The following SH3PXD2B variants were observed in gnomAD, a reference collection of about 807,000 sequenced individuals.
SH3PXD2B encodes SH3 and PX domains 2B, also known as SH3 and PX domain-containing protein 2B.
In SH3PXD2B, 37 loss-of-function variants were observed where a neutral mutation model predicts 73.1. The observed-to-expected ratio is 0.51, with a 90% CI of 0.39 to 0.67. The LOEUF (loss-of-function observed/expected upper bound fraction) is 0.67. Among genes scored for constraint, SH3PXD2B ranks in the 30% least tolerant of loss-of-function variants. SH3PXD2B has a pLI of 0.00. For missense variants in SH3PXD2B, 1,053 were observed against 1,197.8 expected, an observed-to-expected ratio of 0.88 and a Z score of 1.78; for synonymous variants, 457 against 480.5, an observed-to-expected ratio of 0.95 and a Z score of 0.64.
intron 5 of SH3PXD2B, among the ~76,000 whole-genome samples, chr5:172,378,560 G>A (rs1004820028): frequency 6.6e-6 from 1 of 152,176 alleles, no homozygotes. Flanking sequence ...CCCAAGGAAT[G>A]CACACCAATG....
chr5:172,423,000 C>G (rs532955178), intron 1 of SH3PXD2B, among the ~76,000 whole-genome samples: 6 of 152,212 alleles, frequency 3.9e-5, no homozygotes, highest in Non-Finnish European at 8.8e-5. Context: ...ATGGGGCTAA[C>G]AGCACCTGCT....
At chr5:172,375,822 T>A (rs1757809450) in intron 5 of SH3PXD2B, among the ~76,000 whole-genome samples, 1 of 152,216 alleles carries the variant, frequency 6.6e-6, no homozygotes, top group Non-Finnish European at 1.5e-5. Flanking sequence ...AACATCTGTG[T>A]ACAAGTTTTT....
intron 6 of SH3PXD2B, among the ~76,000 whole-genome samples, chr5:172,368,746 T>A (rs1757630815): frequency 9.8e-6 from 1 of 102,540 alleles, no homozygotes; most frequent in South Asian, 2.9e-4. Flanking sequence ...ATATATGTAA[T>A]ATATATATAT....
At chr5:172,407,294 T>C (rs1758583203) in intron 2 of SH3PXD2B, among the ~76,000 whole-genome samples, 1 of 152,338 alleles carries the variant, frequency 6.6e-6, no homozygotes, top group South Asian at 2.1e-4. Context: ...GGCCAATCCA[T>C]GTGAGCTGGA....
chr5:172,338,452 C>T lies in SH3PXD2B; in HGVS notation c.2653G>A (p.Gly885Ser), dbSNP rs527543309. The change falls in exon 13 of 13, where the codon GGC (glycine) becomes AGC (serine). Residue 885 changes from glycine to serine, a missense_variant. This residue lies in a region of SH3PXD2B where 587 missense variants were observed against 590.7 expected (regional missense o/e 0.99). Transcript: ENST00000311601. The surrounding 1 kb of genome is among the most constrained non-coding windows in gnomAD (Gnocchi z 5.1). ...CTCAGGACCTGGCAGAACCACCAGC[C>T]ACTGCTGTTCTTCTCCCGGACTTCA... ...VFEVREKNSS[G>S]WWFCQVLSGA... The T allele has an allele frequency of 1.6e-5, 26 of 1,614,242 alleles. No individual in the cohort carries two copies. In the Admixed American group the frequency reaches 3.7e-4, roughly 23 times the overall value.
chr5:172,440,489 A>G (rs1759531864), intron 1 of SH3PXD2B, among the ~76,000 whole-genome samples: 1 of 150,960 alleles, frequency 6.6e-6, no homozygotes, highest in South Asian at 2.1e-4. Flanking sequence ...CAGGAAGAAC[A>G]TCCCCAAAGT....
In SH3PXD2B at chr5:172,454,514, G is replaced by C. The variant is rs1299772895; in HGVS notation, c.-162C>G. 4 of 175,618 alleles carry C rather than the reference G, an allele frequency of 2.3e-5. No individual in the cohort carries two copies. The East Asian group carries it at 7.7e-4, about 34-fold the overall frequency. 10.9% of individuals were successfully genotyped at this position (175,618 alleles called of 1,614,324 possible). ...CCGCCACCGCCGCCGCCCTTCGCTC[G>C]GCGCGCACTCCAGCCGGGCCCAGCC... On this transcript the variant is annotated 5_prime_UTR_variant, in exon 1 of 13. Transcript: ENST00000311601.
intron 1 of SH3PXD2B, among the ~76,000 whole-genome samples, chr5:172,438,855 T>C (rs942927550): frequency 6.6e-6 from 1 of 151,948 alleles, no homozygotes; most frequent in African/African-American, 2.4e-5. Flanking sequence ...AAACAAAATT[T>C]TACTGCGTTA....
intron 1 of SH3PXD2B, among the ~76,000 whole-genome samples, chr5:172,427,949 T>C (rs1414497025): frequency 1.3e-5 from 2 of 151,994 alleles, no homozygotes; most frequent in Non-Finnish European, 2.9e-5. Flanking sequence ...GCTAATTTTT[T>C]GTATTTTTAG....
intron 6 of SH3PXD2B, among the ~76,000 whole-genome samples, chr5:172,373,313 C>T (rs1237138569): frequency 6.6e-6 from 1 of 152,204 alleles, no homozygotes; most frequent in Non-Finnish European, 1.5e-5. Context: ...TTCATCAAGA[C>T]CCAGGGTCCC....
rs141877737 is a variant in SH3PXD2B, at chr5:172,354,129, CT to C, written c.668-125del. ...CTTCAGAGATTTCTGGGCACCCCCCCTGGCCCTGACCTAGCCCTGGACAGCC... is the reference window on the plus strand; with the variant it reads ...CTTCAGAGATTTCTGGGCACCCCCCCGGCCCTGACCTAGCCCTGGACAGCC... On this transcript the variant is annotated intron_variant, in intron 8 of 12. Transcript: ENST00000311601. 12,554 of 892,452 alleles carry C rather than the reference CT, an allele frequency of 0.014. 117 individuals carry two copies. The highest frequency in any genetic ancestry group is 0.019 in the Non-Finnish European group (10,321 of 548,198). The allele number at this position is 892,452 out of a possible 1,614,324, so 55.3% of individuals were successfully genotyped here. A position where few individuals can be genotyped will look rare whatever the true frequency, so the allele number is the denominator to read the frequency against.
At chr5:172,453,798 A>C (rs1054338132) in intron 1 of SH3PXD2B, among the ~76,000 whole-genome samples, 1 of 152,196 alleles carries the variant, frequency 6.6e-6, no homozygotes, top group African/African-American at 2.4e-5. Context: ...CTCTTGCCAA[A>C]GAACGGAGTC....
chr5:172,407,472 G>A (rs1358528996), intron 2 of SH3PXD2B, among the ~76,000 whole-genome samples: 1 of 152,212 alleles, frequency 6.6e-6, no homozygotes, highest in African/African-American at 2.4e-5. Context: ...CATGTGGCCT[G>A]AGTGAGCTAT....
downstream of SH3PXD2B, among the ~76,000 whole-genome samples, chr5:172,332,405 C>T (rs540573672): frequency 3.7e-4 from 55 of 148,016 alleles, no homozygotes; most frequent in African/African-American, 1.3e-3. Context: ...AGGTGTGCAC[C>T]ACCACACCTG....
chr5:172,413,382 C>T (rs1026965340), intron 2 of SH3PXD2B, among the ~76,000 whole-genome samples: 3 of 152,236 alleles, frequency 2.0e-5, no homozygotes, highest in African/African-American at 4.8e-5. Context: ...CCGGTCTGTC[C>T]GCTTCTCTCC....
chr5:172,373,880 T>A, intron 5 of SH3PXD2B, 65 bp from the exon 6 acceptor site: 1 of 1,577,612 alleles, frequency 6.3e-7, no homozygotes, highest in Non-Finnish European at 8.7e-7. Flanking sequence ...TTGACGTGAG[T>A]TATTCTGCCG....
At chr5:172,342,059 C>A (rs1372083518) in intron 12 of SH3PXD2B, among the ~76,000 whole-genome samples, 1 of 152,138 alleles carries the variant, frequency 6.6e-6, no homozygotes, top group East Asian at 1.9e-4. Context: ...CACACAGGGA[C>A]TGAGGGATGA....
chr5:172,406,447 T>C (rs1263326070), intron 2 of SH3PXD2B, 95 bp from the exon 3 acceptor site: 1 of 1,410,840 alleles, frequency 7.1e-7, no homozygotes, highest in African/African-American at 1.4e-5. Flanking sequence ...ATATGTGATG[T>C]GATATACTAA....
At chr5:172,383,839 C>CCTTT (rs34055868) in intron 4 of SH3PXD2B, among the ~76,000 whole-genome samples, 3 of 150,084 alleles carry the variant, frequency 2.0e-5, no homozygotes, top group Non-Finnish European at 4.4e-5. Context: ...TCTTGCATTT[C>CCTTT]CTTTCTTTCT....
Sources: allele counts gnomAD v4.1 joint callset (sites outside exome capture counted in the v4.1 genomes callset), GRCh38; gene constraint gnomAD v4.1.1; regional missense constraint gnomAD v4.1.1; non-coding constraint Gnocchi (gnomAD v3.1); transcripts MANE v1.5; gene names NCBI Gene and HGNC (gene_info 2026-07-23, HGNC 2026-07-21).